DBX2: variants seen among roughly 807,000 people sequenced by gnomAD.
DBX2 encodes the protein developing brain homeobox 2.
A neutral mutation model predicts 17.7 loss-of-function variants in DBX2; 16 were observed. The ratio of observed to expected loss-of-function variants is 0.90; its 90% confidence interval spans 0.61 to 1.37. The LOEUF is 1.37. DBX2 is among the 40% of genes most tolerant of loss of function. The probability of loss-of-function intolerance (pLI) is 0.00; values close to 1 mark genes in which losing one functional copy is unlikely to be tolerated. For synonymous variants in DBX2, 255 were observed against 183.8 expected, an observed-to-expected ratio of 1.39 and a Z score of -3.13; for missense variants, 538 against 433.8, an observed-to-expected ratio of 1.24 and a Z score of -2.13.
At chr12:45,050,498 T>G in intron 1 of DBX2, 27 bp downstream of exon 1, 1 of 1,540,586 alleles carries the variant, frequency 6.5e-7, no homozygotes, top group Middle Eastern at 2.1e-4. Flanking sequence ...CGGGCGCGGC[T>G]GGGGAGGGAG....
intron 2 of DBX2, among the ~76,000 whole-genome samples, chr12:45,028,745 TC>T (rs1197389942): frequency 6.6e-6 from 1 of 152,194 alleles, no homozygotes. Flanking sequence ...TCCTCAAGTT[TC>T]AGTGCCCTAT....
At chr12:45,038,373 C>G (rs986996464) in intron 1 of DBX2, among the ~76,000 whole-genome samples, 5 of 150,984 alleles carry the variant, frequency 3.3e-5, no homozygotes, top group Admixed American at 2.6e-4. Context: ...TAAAATTAAA[C>G]ATTTACCATG....
In DBX2 at chr12:45,015,735, T is replaced by C. The variant is rs1946319700; in HGVS notation, c.*551A>G. The stretch of plus-strand genomic sequence containing the variant: ...TAGCAGTGGCTCATTTGTTGAGGAC[T>C]GCTGAGCTAAGGTGTTAAAATTCAC... On this transcript the variant is annotated 3_prime_UTR_variant, in exon 4 of 4. Transcript: ENST00000332700. 1 of 152,212 alleles carries C rather than the reference T, an allele frequency of 6.6e-6. No individual in the cohort carries two copies. Among genetic ancestry groups the C allele is most frequent in the Non-Finnish European group, 1.5e-5 (1 of 68,040 alleles). The allele number at this position is 152,212 out of a possible 1,614,324, so 9.4% of individuals were successfully genotyped here.
intron 3 of DBX2, among the ~76,000 whole-genome samples, chr12:45,017,442 T>C (rs7976293): frequency 0.043 from 6,622 of 152,278 alleles, 449 homozygotes; most frequent in East Asian, 0.23. Context: ...CTAGAATCCA[T>C]GATTGTCTGA....
At chr12:45,031,742 T>G (rs2137024782) in intron 2 of DBX2, among the ~76,000 whole-genome samples, 1 of 152,336 alleles carries the variant, frequency 6.6e-6, no homozygotes, top group South Asian at 2.1e-4. Context: ...AGTAGTACTC[T>G]GATGTCTCTT....
chr12:45,036,811 A>T (rs941625428), intron 1 of DBX2, among the ~76,000 whole-genome samples: 2 of 152,208 alleles, frequency 1.3e-5, no homozygotes, highest in Non-Finnish European at 2.9e-5. Flanking sequence ...TACATGACTT[A>T]AAGTATTTGA....
At chr12:45,043,272 T>G (rs1946481655) in intron 1 of DBX2, among the ~76,000 whole-genome samples, 1 of 152,228 alleles carries the variant, frequency 6.6e-6, no homozygotes, top group African/African-American at 2.4e-5. Context: ...GGTGACTTGC[T>G]TAACCAAGAG....
chr12:45,014,892 A>T lies in DBX2; in HGVS notation c.*1394T>A, dbSNP rs1946314757. 2 of 152,048 alleles carry T rather than the reference A, an allele frequency of 1.3e-5. No homozygotes were observed. Among genetic ancestry groups the T allele is most frequent in the South Asian group, 4.2e-4 (2 of 4,814 alleles). The allele number at this position is 152,048 out of a possible 1,614,324, so 9.4% of individuals were successfully genotyped here. On this transcript the variant is annotated 3_prime_UTR_variant, in exon 4 of 4. Transcript: ENST00000332700. Reference sequence around the variant, plus strand: ...CTGAAATATCTTTTCTAAACACTAAACCCTCAAAAGACGTTAACTTCTCAG... The same window carrying T: ...CTGAAATATCTTTTCTAAACACTAATCCCTCAAAAGACGTTAACTTCTCAG...
intron 3 of DBX2, among the ~76,000 whole-genome samples, chr12:45,021,222 G>A (rs771509818): frequency 1.3e-5 from 2 of 152,106 alleles, no homozygotes; most frequent in Non-Finnish European, 2.9e-5. Context: ...CTTCTGAGAT[G>A]CTCTACCAAA....
In DBX2 at chr12:45,051,083, G is replaced by T; in HGVS notation, c.-156C>A. On this transcript the variant is annotated 5_prime_UTR_variant, in exon 1 of 4. Coordinates refer to ENST00000332700, the MANE Select transcript of DBX2 (RefSeq NM_001004329.3). ...GGGAGGAAAGGCCACCCGGGACGGC[G>T]GCGGACTTGGAACGATATTATTTAT... 1.2e-6 allele frequency: 1 copy of T among 820,736 alleles called. No homozygotes were observed. The highest frequency in any genetic ancestry group is 1.7e-6 in the Non-Finnish European group (1 of 603,380). The allele number at this position is 820,736 out of a possible 1,614,324, so 50.8% of individuals were successfully genotyped here. A position where few individuals can be genotyped will look rare whatever the true frequency, so the allele number is the denominator to read the frequency against.
At chr12:45,034,307 T>C (rs1761125628) in intron 2 of DBX2, among the ~76,000 whole-genome samples, 2 of 152,148 alleles carry the variant, frequency 1.3e-5, no homozygotes, top group African/African-American at 4.8e-5. Flanking sequence ...AATCTAACAC[T>C]GAAGACTTAA....
chr12:45,017,906 T>C (rs75170248), intron 3 of DBX2, among the ~76,000 whole-genome samples: 4,441 of 152,282 alleles, frequency 0.029, 224 homozygotes, highest in African/African-American at 0.1. Context: ...ATAATTATTA[T>C]AGCATATCAA....
intron 1 of DBX2, among the ~76,000 whole-genome samples, chr12:45,043,923 A>C (rs1946485306): frequency 6.6e-6 from 1 of 152,180 alleles, no homozygotes; most frequent in South Asian, 2.1e-4. Flanking sequence ...GAAATGAGGA[A>C]AGAGAGGCTC....
chr12:45,041,307 A>C (rs935860852), intron 1 of DBX2, among the ~76,000 whole-genome samples: 2 of 151,892 alleles, frequency 1.3e-5, no homozygotes, highest in African/African-American at 4.8e-5. Context: ...GTACGTGGCC[A>C]CTAAGAAGTC....
intron 1 of DBX2, among the ~76,000 whole-genome samples, chr12:45,040,219 C>T (rs567621522): frequency 3.3e-5 from 5 of 152,108 alleles, no homozygotes; most frequent in Non-Finnish European, 4.4e-5. Context: ...GCCTAGCCTA[C>T]CAGCCTACAT....
chr12:45,039,281 A>G lies in DBX2; in HGVS notation c.404-3167T>C, dbSNP rs1341507085. Among the ~76,000 whole-genome samples the G allele has an allele frequency of 2.1e-3, 38 of 18,250 alleles. No individual in the cohort carries two copies. The East Asian group carries it at 0.023, about 11-fold the overall frequency. The allele number at this position is 18,250 out of a possible 152,430, so 12.0% of individuals were successfully genotyped here. On this transcript the variant is annotated intron_variant, in intron 1 of 3. Transcript: ENST00000332700. ...AAACAATGCACTGCATTGAAGGTAT[A>G]TATATATATATATATATATATATAT...
At chr12:45,037,968 T>A (rs1946449324) in intron 1 of DBX2, among the ~76,000 whole-genome samples, 1 of 152,024 alleles carries the variant, frequency 6.6e-6, no homozygotes, top group African/African-American at 2.4e-5. Context: ...AATTCTGATG[T>A]TCAAAAAGTT....
chr12:45,015,130 C>A lies in DBX2; in HGVS notation c.*1156G>T, dbSNP rs566324124. 6.6e-6 allele frequency: 1 copy of A among 152,174 alleles called. No individual in the cohort carries two copies. Among genetic ancestry groups the A allele is most frequent in the Non-Finnish European group, 1.5e-5 (1 of 68,032 alleles). 9.4% of individuals were successfully genotyped at this position (152,174 alleles called of 1,614,324 possible). A position where few individuals can be genotyped will look rare whatever the true frequency, so the allele number is the denominator to read the frequency against. ...TGGAGTAAAAACTTCTGGATTAACT[C>A]AGCAAATCGTTACCAGAAATGCAAT... On this transcript the variant is annotated 3_prime_UTR_variant, in exon 4 of 4. Coordinates refer to ENST00000332700, the MANE Select transcript of DBX2 (RefSeq NM_001004329.3).
chr12:45,049,131 A>T (rs1199654890), intron 1 of DBX2, among the ~76,000 whole-genome samples: 1 of 152,236 alleles, frequency 6.6e-6, no homozygotes, highest in Non-Finnish European at 1.5e-5. Context: ...AAAATTAAAT[A>T]TCTTTTCATG....
Sources: gnomAD v4.1 joint callset for allele counts (sites outside exome capture counted in the v4.1 genomes callset) on GRCh38, gnomAD v4.1.1 for gene constraint, MANE v1.5 for transcripts, NCBI Gene and HGNC (gene_info 2026-07-23, HGNC 2026-07-21) for gene names.